PTPRZ1: variants seen among roughly 807,000 people sequenced by gnomAD.
PTPRZ1 encodes protein tyrosine phosphatase receptor type Z1, also known as receptor-type tyrosine-protein phosphatase zeta.
Under a neutral mutation model 214.1 loss-of-function variants are expected in PTPRZ1, and 82 were observed. That is an observed-to-expected ratio of 0.38 (90% CI 0.32 to 0.46). The LOEUF is 0.46. PTPRZ1 is among the 20% of genes least tolerant of loss of function. The pLI, the probability that PTPRZ1 is intolerant of heterozygous loss-of-function variation, is 1.00. For synonymous variants in PTPRZ1, 945 were observed against 987.9 expected (o/e 0.96, Z 0.81); for missense variants, 2,603 against 2,748.7 (o/e 0.95, Z 1.19).
chr7:121,955,958 A>G (rs1796692468), intron 2 of PTPRZ1, among the ~76,000 whole-genome samples: 1 of 152,164 alleles, frequency 6.6e-6, no homozygotes, highest in African/African-American at 2.4e-5. Flanking sequence ...TTTAAAGTGA[A>G]AGATAGGAGG....
intron 2 of PTPRZ1, among the ~76,000 whole-genome samples, chr7:121,964,467 G>C (rs1796980405): frequency 6.6e-6 from 1 of 152,042 alleles, no homozygotes; most frequent in Non-Finnish European, 1.5e-5. Flanking sequence ...TACAGGATGG[G>C]GGAAACCGCC....
At chr7:121,967,855 G>GC in intron 2 of PTPRZ1, 96 bp from the exon 3 acceptor site, 1 of 816,622 alleles carries the variant, frequency 1.2e-6, no homozygotes, top group Non-Finnish European at 1.9e-6. Context: ...TTCTACTATT[G>GC]CATCTATTTT....
intron 13 of PTPRZ1, among the ~76,000 whole-genome samples, chr7:122,024,935 A>G (rs953563177): frequency 3.9e-5 from 6 of 152,182 alleles, no homozygotes; most frequent in East Asian, 1.9e-4. Context: ...CTACCTATAT[A>G]TCTTATCTCT....
chr7:121,983,959 T>C lies in PTPRZ1; in HGVS notation c.778-8T>C. The C allele has an allele frequency of 6.2e-7, 1 of 1,610,438 alleles. No homozygotes were observed. Among genetic ancestry groups the C allele is most frequent in the Non-Finnish European group, 8.5e-7 (1 of 1,178,000 alleles). On this transcript the variant is annotated splice_region_variant and splice_polypyrimidine_tract_variant and intron_variant, in intron 7 of 29. Coordinates refer to ENST00000393386, the MANE Select transcript of PTPRZ1 (RefSeq NM_002851.3). ...CAGATATGTTAAATTATTTGATCTTTTTTTCAGTTGGCTGTTTTTTGTGAA... is the reference window on the plus strand; with the variant it reads ...CAGATATGTTAAATTATTTGATCTTCTTTTCAGTTGGCTGTTTTTTGTGAA...
Position 122,031,571 on chromosome 7 carries a change from A to T in PTPRZ1, c.5166+12A>T. On this transcript the variant is annotated intron_variant, in intron 15 of 29. Coordinates refer to ENST00000393386, the MANE Select transcript of PTPRZ1 (RefSeq NM_002851.3). ...CTGAAGAATTTGAGGTATGATTTTAATATGTCTATTTTAAATAATATAGAA... is the reference window on the plus strand; with the variant it reads ...CTGAAGAATTTGAGGTATGATTTTATTATGTCTATTTTAAATAATATAGAA... The T allele has an allele frequency of 6.5e-7, 1 of 1,548,684 alleles. No individual in the cohort carries two copies. The highest frequency in any genetic ancestry group is 1.1e-5 in the South Asian group (1 of 87,412).
intron 1 of PTPRZ1, among the ~76,000 whole-genome samples, chr7:121,918,600 T>C (rs988696564): frequency 2.0e-5 from 3 of 152,176 alleles, no homozygotes; most frequent in African/African-American, 7.2e-5. Context: ...TTAAAACATA[T>C]TTACAATCTA....
chr7:121,987,870 C>T (rs902082695), intron 8 of PTPRZ1, among the ~76,000 whole-genome samples: 4 of 152,176 alleles, frequency 2.6e-5, no homozygotes, highest in Admixed American at 2.6e-4. Context: ...TTTTTTGCAG[C>T]AAGATGGATG....
intron 1 of PTPRZ1, chr7:121,908,379 T>A: frequency 1.6e-5 from 5 of 306,164 alleles, no homozygotes; most frequent in South Asian, 5.9e-5. Flanking sequence ...GAATATCAAC[T>A]ATACATCATC....
chr7:121,995,469 A>C (rs1798104784), intron 8 of PTPRZ1, among the ~76,000 whole-genome samples: 1 of 152,176 alleles, frequency 6.6e-6, no homozygotes, highest in Non-Finnish European at 1.5e-5. Context: ...TTCTTTTCCA[A>C]ATTAGTCCAA....
chr7:122,024,041 G>A (rs983587254), intron 13 of PTPRZ1, among the ~76,000 whole-genome samples: 1 of 151,512 alleles, frequency 6.6e-6, no homozygotes, highest in African/African-American at 2.4e-5. Flanking sequence ...AGCAGGTGAC[G>A]TAGTTATCAA....
At chr7:121,880,877 G>C (rs941390126) in intron 1 of PTPRZ1, among the ~76,000 whole-genome samples, 4 of 152,148 alleles carry the variant, frequency 2.6e-5, no homozygotes, top group Non-Finnish European at 5.9e-5. Context: ...GCCCAAAGGA[G>C]CATAAGGATA....
chr7:121,880,883 G>A (rs960695630), intron 1 of PTPRZ1, among the ~76,000 whole-genome samples: 11 of 152,148 alleles, frequency 7.2e-5, no homozygotes, highest in Non-Finnish European at 1.2e-4. Flanking sequence ...AGGAGCATAA[G>A]GATACCCTTG....
At chr7:122,029,913 A>G (rs1051537641) in intron 14 of PTPRZ1, among the ~76,000 whole-genome samples, 9 of 151,896 alleles carry the variant, frequency 5.9e-5, no homozygotes, top group African/African-American at 2.2e-4. Context: ...AAATACTATT[A>G]TTTTAGTACC....
At chr7:122,059,054 A>G (rs1792475653) in intron 28 of PTPRZ1, 112 bp downstream of exon 28, 5 of 1,079,666 alleles carry the variant, frequency 4.6e-6, no homozygotes, top group Admixed American at 2.7e-5. Flanking sequence ...TGATTCAGCC[A>G]TGGTGGATTA....
chr7:122,011,197 C>G lies in PTPRZ1; in HGVS notation c.2151C>G (p.Ala717=). The change falls in exon 12 of 30, where the codon GCC becomes GCG. Residue 717 remains alanine (A), a synonymous_variant. Coordinates refer to ENST00000393386, the MANE Select transcript of PTPRZ1 (RefSeq NM_002851.3). The stretch of plus-strand genomic sequence containing the variant: ...AAATGCCACATTATTCTACCTTTGC[C>G]TACTTCCCAACTGAGGTAACACCTC... The part of the protein sequence containing the change: ...DLEMPHYSTF[A]YFPTEVTPHA... 6.2e-7 allele frequency: 1 copy of G among 1,614,128 alleles called. No individual in the cohort carries two copies. The highest frequency in any genetic ancestry group is 8.5e-7 in the Non-Finnish European group (1 of 1,180,020).
At chr7:121,945,246 A>G (rs1051768728) in intron 2 of PTPRZ1, among the ~76,000 whole-genome samples, 2 of 152,238 alleles carry the variant, frequency 1.3e-5, no homozygotes, top group Admixed American at 1.3e-4. Context: ...CAGAGAACAA[A>G]TATCTATAGG....
intron 2 of PTPRZ1, among the ~76,000 whole-genome samples, chr7:121,941,054 G>C (rs1796226087): frequency 6.6e-6 from 1 of 152,128 alleles, no homozygotes; most frequent in South Asian, 2.1e-4. Flanking sequence ...TTCATACACT[G>C]TCCCTGTCCC....
chr7:121,964,451 C>T (rs1405838672), intron 2 of PTPRZ1, among the ~76,000 whole-genome samples: 2 of 152,172 alleles, frequency 1.3e-5, no homozygotes, highest in Admixed American at 6.5e-5. Flanking sequence ...AACTCACTGT[C>T]ATGAGTACAG....
chr7:121,966,289 A>T (rs1184072837), intron 2 of PTPRZ1, among the ~76,000 whole-genome samples: 1 of 152,204 alleles, frequency 6.6e-6, no homozygotes, highest in African/African-American at 2.4e-5. Flanking sequence ...GTTATTGAAG[A>T]TTTAAAATTT....
Sources: allele counts gnomAD v4.1 joint callset (sites outside exome capture counted in the v4.1 genomes callset), GRCh38; gene constraint gnomAD v4.1.1; transcripts MANE v1.5; gene names NCBI Gene and HGNC (gene_info 2026-07-23, HGNC 2026-07-21).